The following GRID2 variants were observed in gnomAD, a reference collection of about 807,000 sequenced individuals.
The protein encoded by GRID2 is glutamate receptor ionotropic, delta-2.
In GRID2, 33 loss-of-function variants were observed where a neutral mutation model predicts 114.8. That is an observed-to-expected ratio of 0.29 (90% CI 0.22 to 0.38). The LOEUF is 0.38. GRID2 is among the 10% of genes least tolerant of loss of function. The pLI, the probability that GRID2 is intolerant of heterozygous loss-of-function variation, is 1.00. For missense variants in GRID2, 1,184 were observed against 1,257.7 expected (o/e 0.94, Z 0.89); for synonymous variants, 505 against 449.9 (o/e 1.12, Z -1.55).
At chr4:93,012,276 C>T (rs1722257018) in intron 2 of GRID2, among the ~76,000 whole-genome samples, 1 of 151,976 alleles carries the variant, frequency 6.6e-6, no homozygotes, top group South Asian at 2.1e-4. Context: ...TTTGTCTCTC[C>T]TTCAAATCAG....
intron 14 of GRID2, among the ~76,000 whole-genome samples, chr4:93,631,371 C>T (rs374417747): frequency 1.3e-5 from 2 of 152,160 alleles, no homozygotes; most frequent in Non-Finnish European, 2.9e-5. Flanking sequence ...CCCCACTCCC[C>T]GACCCTAGGA....
At chr4:93,303,588 A>T (rs1755098221) in intron 8 of GRID2, among the ~76,000 whole-genome samples, 3 of 152,206 alleles carry the variant, frequency 2.0e-5, no homozygotes, top group Admixed American at 2.0e-4. Context: ...AGGGCGCAGG[A>T]GCCAATGCTA....
At chr4:92,699,501 A>G (rs890059155) in intron 2 of GRID2, among the ~76,000 whole-genome samples, 5 of 152,184 alleles carry the variant, frequency 3.3e-5, no homozygotes, top group Admixed American at 2.0e-4. Flanking sequence ...AATAGGACAG[A>G]GTAATGATCA....
chr4:92,550,049 TTAAA>T (rs1454356846), intron 1 of GRID2, among the ~76,000 whole-genome samples: 1 of 152,138 alleles, frequency 6.6e-6, no homozygotes, highest in African/African-American at 2.4e-5. Context: ...AGTGAGATAA[TTAAA>T]TATTTTATGT....
intron 13 of GRID2, among the ~76,000 whole-genome samples, chr4:93,591,929 T>G (rs1159528821): frequency 6.6e-6 from 1 of 152,172 alleles, no homozygotes; most frequent in Non-Finnish European, 1.5e-5. Flanking sequence ...TTATTGCGTC[T>G]ATTTGATTCT....
At chr4:92,949,580 A>G (rs749209444) in intron 2 of GRID2, among the ~76,000 whole-genome samples, 17 of 151,760 alleles carry the variant, frequency 1.1e-4, no homozygotes, top group Non-Finnish European at 2.1e-4. Context: ...AGAAATGGGA[A>G]GAAAATAGAA....
At chr4:92,357,857 A>T (rs1728409142) in intron 1 of GRID2, among the ~76,000 whole-genome samples, 1 of 151,898 alleles carries the variant, frequency 6.6e-6, no homozygotes. Flanking sequence ...CTCCTTCTGG[A>T]CCTCTATTAA....
chr4:93,321,736 A>G (rs1253220521), intron 8 of GRID2, among the ~76,000 whole-genome samples: 1 of 151,946 alleles, frequency 6.6e-6, no homozygotes, highest in Non-Finnish European at 1.5e-5. Flanking sequence ...CATTCTAAAT[A>G]TCTTTCAGAT....
chr4:92,405,963 T>C (rs752690006), intron 1 of GRID2, among the ~76,000 whole-genome samples: 1 of 152,142 alleles, frequency 6.6e-6, no homozygotes, highest in African/African-American at 2.4e-5. Flanking sequence ...AGAGCCAGTC[T>C]GAGTCCCAAA....
chr4:92,494,243 G>C (rs573623648), intron 1 of GRID2, among the ~76,000 whole-genome samples: 1 of 151,940 alleles, frequency 6.6e-6, no homozygotes, highest in South Asian at 2.1e-4. Flanking sequence ...TTTGGAGAGA[G>C]AGCCATTAGA....
At chr4:92,794,711 A>AATACAGT (rs1739766056) in intron 2 of GRID2, among the ~76,000 whole-genome samples, 1 of 151,470 alleles carries the variant, frequency 6.6e-6, no homozygotes. Flanking sequence ...CTGATATTCT[A>AATACAGT]ATACAGTTGA....
At chr4:93,205,748 G>T (rs938990055) in intron 4 of GRID2, among the ~76,000 whole-genome samples, 1 of 151,998 alleles carries the variant, frequency 6.6e-6, no homozygotes, top group African/African-American at 2.4e-5. Context: ...CTTCCACAAT[G>T]GTTGAACTAG....
chr4:92,418,381 G>A (rs752798556), intron 1 of GRID2, among the ~76,000 whole-genome samples: 4 of 152,064 alleles, frequency 2.6e-5, no homozygotes, highest in Non-Finnish European at 4.4e-5. Flanking sequence ...TCTGTAAAGG[G>A]AACAAACACC....
At chr4:92,475,188 C>CT (rs201592354) in intron 1 of GRID2, among the ~76,000 whole-genome samples, 2 of 149,066 alleles carry the variant, frequency 1.3e-5, no homozygotes, top group South Asian at 4.2e-4. Context: ...TCCCATTTGC[C>CT]TTTTAAAAAA....
chr4:93,682,055 A>G (rs1235280621), intron 14 of GRID2, among the ~76,000 whole-genome samples: 4 of 151,762 alleles, frequency 2.6e-5, no homozygotes, highest in African/African-American at 9.7e-5. Context: ...AATATCCAGA[A>G]TCTACAATGA....
chr4:93,603,870 C>CTGT (rs1739940595), intron 13 of GRID2, among the ~76,000 whole-genome samples: 1 of 152,098 alleles, frequency 6.6e-6, no homozygotes, highest in South Asian at 2.1e-4. Flanking sequence ...TTTAAGCCCA[C>CTGT]TGTTGAGATC....
intron 4 of GRID2, among the ~76,000 whole-genome samples, chr4:93,195,875 G>T (rs1741436608): frequency 1.3e-5 from 2 of 152,208 alleles, no homozygotes; most frequent in South Asian, 4.1e-4. Context: ...TTTAAGAAAG[G>T]TTATGATCAC....
chr4:93,650,401 G>A (rs1383197743), intron 14 of GRID2, among the ~76,000 whole-genome samples: 1 of 151,866 alleles, frequency 6.6e-6, no homozygotes, highest in Non-Finnish European at 1.5e-5. Context: ...ATACCTCAAT[G>A]AAATAAAAGT....
intron 11 of GRID2, among the ~76,000 whole-genome samples, chr4:93,459,686 C>T (rs1049451858): frequency 3.9e-5 from 6 of 152,188 alleles, no homozygotes; most frequent in African/African-American, 1.4e-4. Flanking sequence ...CCCAGATCTA[C>T]ATCATCTATT....
Sources: gnomAD v4.1 joint callset for allele counts (sites outside exome capture counted in the v4.1 genomes callset) on GRCh38, gnomAD v4.1.1 for gene constraint, MANE v1.5 for transcripts, NCBI Gene and HGNC (gene_info 2026-07-23, HGNC 2026-07-21) for gene names.